Variants in TAPT1 observed in about 807,000 individuals in gnomAD.
TAPT1 encodes the protein transmembrane anterior posterior transformation protein 1 homolog.
Under a neutral mutation model 65.6 loss-of-function variants are expected in TAPT1, and 28 were observed. The observed-to-expected ratio is 0.43, with a 90% CI of 0.32 to 0.59. The LOEUF is 0.59. Among genes scored for constraint, TAPT1 ranks in the 20% least tolerant of loss-of-function variants. TAPT1 has a pLI of 0.09. For missense variants in TAPT1, 563 were observed against 679.9 expected, an observed-to-expected ratio of 0.83 and a Z score of 1.91; for synonymous variants, 278 against 245.2, an observed-to-expected ratio of 1.13 and a Z score of -1.25.
chr4:16,222,741 C>T (rs1163572467), intron 1 of TAPT1, among the ~76,000 whole-genome samples: 2 of 152,142 alleles, frequency 1.3e-5, no homozygotes, highest in African/African-American at 4.8e-5. Context: ...CCTGCCTCTG[C>T]TCAATCTCTA....
intron 1 of TAPT1, among the ~76,000 whole-genome samples, chr4:16,214,953 A>G (rs1750850234): frequency 6.6e-6 from 1 of 152,188 alleles, no homozygotes; most frequent in Non-Finnish European, 1.5e-5. Context: ...TTCTAGGAGT[A>G]CTATGATCTA....
chr4:16,172,245 T>A (rs1712495), intron 11 of TAPT1, among the ~76,000 whole-genome samples: 113,265 of 151,504 alleles, frequency 0.75, 42,490 homozygotes, highest in Middle Eastern at 0.87. Context: ...TAAATACTAT[T>A]TCAAAAAAAG....
intron 4 of TAPT1, among the ~76,000 whole-genome samples, chr4:16,188,739 T>C (rs1035487603): frequency 6.6e-6 from 1 of 151,946 alleles, no homozygotes; most frequent in Non-Finnish European, 1.5e-5. Flanking sequence ...GCTAACACAG[T>C]GAAACGCCGT....
chr4:16,174,812 A>G, intron 9 of TAPT1, 83 bp from the exon 10 acceptor site: 1 of 974,238 alleles, frequency 1.0e-6, no homozygotes, highest in Non-Finnish European at 1.5e-6. Context: ...TAATAAAAAC[A>G]TTTAATAATT....
chr4:16,219,631 G>A (rs1036878529), intron 1 of TAPT1, among the ~76,000 whole-genome samples: 10 of 152,150 alleles, frequency 6.6e-5, no homozygotes, highest in African/African-American at 1.9e-4. Context: ...CTACTCCTGC[G>A]TAAGTGGCTT....
chr4:16,208,289 A>G (rs1422825308), intron 2 of TAPT1, among the ~76,000 whole-genome samples: 1 of 152,170 alleles, frequency 6.6e-6, no homozygotes, highest in African/African-American at 2.4e-5. Context: ...TGACTATACT[A>G]ATTTTCCAGA....
At chr4:16,186,111 C>T (rs912124023) in intron 7 of TAPT1, among the ~76,000 whole-genome samples, 8 of 152,000 alleles carry the variant, frequency 5.3e-5, no homozygotes, top group African/African-American at 9.7e-5. Context: ...AGGATTAGAA[C>T]GAAGGCAGTA....
chr4:16,193,865 T>A lies in TAPT1; in HGVS notation c.450-2342A>T, dbSNP rs539761302. 8.5e-4 allele frequency among the ~76,000 whole-genome samples: 130 copies of A among 152,250 alleles called. 2 individuals carry two copies. The highest frequency in any genetic ancestry group is 3.0e-3 in the African/African-American group (126 of 41,544). On this transcript the variant is annotated intron_variant, in intron 3 of 13. Transcript: ENST00000405303. ...AGTCATGTTTATAAATTAAAGAAAA[T>A]GATACGAGCTAAAAGTAGGGTAGTA...
At chr4:16,196,739 GAA>G (rs769110423) in intron 3 of TAPT1, 40 of 1,261,016 alleles carry the variant, frequency 3.2e-5, no homozygotes, top group Non-Finnish European at 4.2e-5. Context: ...TTACGAGAGA[GAA>G]AGAAAGAGAG....
rs530608584 is a variant in TAPT1, at chr4:16,164,313, C to T, written c.1475-776G>A. ...TCTCTCCTGCCCTCACCCCCAGAAC[C>T]GCTGTCTTTTGTCTCTTTTACAACG... On this transcript the variant is annotated intron_variant, in intron 13 of 13. Transcript: ENST00000405303. 2.0e-4 allele frequency among the ~76,000 whole-genome samples: 31 copies of T among 152,240 alleles called. No homozygotes were observed. The East Asian group carries it at 3.9e-3, about 19-fold the overall frequency.
chr4:16,205,027 C>A (rs570275037), intron 2 of TAPT1, among the ~76,000 whole-genome samples: 1 of 152,010 alleles, frequency 6.6e-6, no homozygotes, highest in African/African-American at 2.4e-5. Flanking sequence ...TATTTTGAAC[C>A]TAATAGTACT....
At chr4:16,182,240 A>T (rs1202596296) in intron 7 of TAPT1, among the ~76,000 whole-genome samples, 1 of 152,186 alleles carries the variant, frequency 6.6e-6, no homozygotes, top group Non-Finnish European at 1.5e-5. Flanking sequence ...AAGAAATAAA[A>T]TTTTTATGAG....
intron 12 of TAPT1, 48 bp from the exon 13 acceptor site, chr4:16,166,841 T>A (rs781288051): frequency 1.9e-6 from 3 of 1,588,500 alleles, no homozygotes; most frequent in Admixed American, 1.7e-5. Context: ...TTCATCTAAA[T>A]CCCTGTGAAT....
intron 1 of TAPT1, among the ~76,000 whole-genome samples, chr4:16,225,384 T>TA (rs1751491368): frequency 6.6e-6 from 1 of 152,258 alleles, no homozygotes; most frequent in Non-Finnish European, 1.5e-5. Context: ...ACAACAGAAG[T>TA]AATTTTTTAG....
At chr4:16,186,655 C>T in intron 6 of TAPT1, 51 bp from the exon 7 acceptor site, 1 of 1,406,702 alleles carries the variant, frequency 7.1e-7, no homozygotes, top group Non-Finnish European at 9.8e-7. Context: ...AGTTTAAAAA[C>T]TGGACTTGCT....
chr4:16,205,383 G>C (rs1426436108), intron 2 of TAPT1, among the ~76,000 whole-genome samples: 1 of 152,140 alleles, frequency 6.6e-6, no homozygotes, highest in Middle Eastern at 3.2e-3. Context: ...GAGTAAAGAG[G>C]CTTAGTCTCA....
intron 7 of TAPT1, among the ~76,000 whole-genome samples, chr4:16,185,414 GCTGGAGTGCTCT>G (rs1219446438): frequency 1.3e-5 from 2 of 151,148 alleles, no homozygotes; most frequent in Non-Finnish European, 2.9e-5. Flanking sequence ...AGTCACCCAG[GCTGGAGTGCTCT>G]AGTACAATCT....
At chr4:16,217,643 C>G (rs528140050) in intron 1 of TAPT1, among the ~76,000 whole-genome samples, 1 of 152,280 alleles carries the variant, frequency 6.6e-6, no homozygotes, top group Non-Finnish European at 1.5e-5. Context: ...TGGAATTAAT[C>G]AAAATGTTCA....
intron 7 of TAPT1, among the ~76,000 whole-genome samples, chr4:16,185,397 T>G (rs556636412): frequency 5.9e-5 from 9 of 151,806 alleles, no homozygotes; most frequent in Non-Finnish European, 1.2e-4. Context: ...AGACAGCGTT[T>G]CACTCTAGTC....
Sources: allele counts gnomAD v4.1 joint callset (sites outside exome capture counted in the v4.1 genomes callset), GRCh38; gene constraint gnomAD v4.1.1; transcripts MANE v1.5; gene names NCBI Gene and HGNC (gene_info 2026-07-23, HGNC 2026-07-21).